The following LOXHD1 variants were observed in gnomAD, a reference collection of about 807,000 sequenced individuals.
LOXHD1 encodes the protein lipoxygenase homology PLAT domains 1, also known as lipoxygenase homology domain-containing protein 1.
Under a neutral mutation model 248.2 loss-of-function variants are expected in LOXHD1, and 205 were observed. The ratio of observed to expected loss-of-function variants is 0.83; its 90% CI spans 0.74 to 0.93. LOXHD1 has a LOEUF of 0.93. LOXHD1 is among the 40% of genes least tolerant of loss of function. The pLI, the probability that LOXHD1 is intolerant of heterozygous loss-of-function variation, is 0.00. For missense variants in LOXHD1, 2,930 were observed against 2,971.6 expected (o/e 0.99, Z 0.33); for synonymous variants, 1,113 against 1,162.8 (o/e 0.96, Z 0.87).
intron 12 of LOXHD1, among the ~76,000 whole-genome samples, chr18:46,589,570 T>G (rs1480764803): frequency 6.6e-6 from 1 of 152,208 alleles, no homozygotes; most frequent in African/African-American, 2.4e-5. Context: ...AAATGCATAT[T>G]ACCAGGAATA....
chr18:46,600,821 C>T (rs969997086), intron 8 of LOXHD1, among the ~76,000 whole-genome samples: 2 of 152,292 alleles, frequency 1.3e-5, no homozygotes, highest in East Asian at 1.9e-4. Flanking sequence ...TGCTTTTTAA[C>T]ATTCCTTATG....
chr18:46,535,140 G>A (rs2036252315), intron 26 of LOXHD1, among the ~76,000 whole-genome samples: 1 of 152,060 alleles, frequency 6.6e-6, no homozygotes, highest in African/African-American at 2.4e-5. Flanking sequence ...ACTTCTCATA[G>A]TTGTAAGTTT....
intron 34 of LOXHD1, among the ~76,000 whole-genome samples, chr18:46,514,988 A>T (rs1251900850): frequency 1.3e-5 from 2 of 152,220 alleles, no homozygotes; most frequent in Non-Finnish European, 2.9e-5. Flanking sequence ...TCTGAATGCC[A>T]TATTAATTCA....
At chr18:46,550,115 G>A (rs1313151798) in intron 21 of LOXHD1, among the ~76,000 whole-genome samples, 2 of 152,198 alleles carry the variant, frequency 1.3e-5, no homozygotes, top group Admixed American at 1.3e-4. Context: ...ACTTAACAAA[G>A]ATACCCTAAT....
At position 46,545,300 on chromosome 18, in the gene LOXHD1, C is replaced by T. The variant is rs1477239484; in HGVS notation, c.3619+17G>A. The T allele has an allele frequency of 6.5e-7, 1 of 1,529,730 alleles. No homozygotes were observed. Among genetic ancestry groups the T allele is most frequent in the East Asian group, 2.5e-5 (1 of 40,806 alleles). 94.8% of individuals were successfully genotyped at this position (1,529,730 alleles called of 1,614,324 possible). On this transcript the variant is annotated intron_variant, in intron 23 of 40. Transcript: ENST00000642948. ...GGAAGAATGTGGGTGAATCTTGGCC[C>T]TGCACTGCTTTCTTACCAGTGTCAT...
At chr18:46,573,680 T>C (rs1033108777) in intron 14 of LOXHD1, among the ~76,000 whole-genome samples, 5 of 151,856 alleles carry the variant, frequency 3.3e-5, no homozygotes, top group African/African-American at 9.7e-5. Context: ...AGACCACCCC[T>C]CTCCCCAAGG....
chr18:46,560,230 C>T lies in LOXHD1; in HGVS notation c.2914G>A (p.Glu972Lys), dbSNP rs367630521. Residue 972 changes from glutamate (E) to lysine (K), a missense_variant, in exon 19 of 41, where the codon GAA becomes AAA. Physicochemically the swap from Glu to Lys is moderately conservative, Grantham distance 56. Transcript: ENST00000642948. ...ESSSEEEEME[E>K]EEEEEEFGPG... is the part of the protein sequence containing the mutation. ...CCAAACTCCTCCTCTTCCTCCTCTTCTTCCATCTCCTCCTCCTCTGACGAG... is the reference window on the plus strand; with the variant it reads ...CCAAACTCCTCCTCTTCCTCCTCTTTTTCCATCTCCTCCTCCTCTGACGAG... The T allele has an allele frequency of 2.3e-4, 353 of 1,551,574 alleles. 2 individuals carry two copies. In the African/African-American group the frequency reaches 4.3e-3, roughly 19 times the overall value.
At chr18:46,538,798 G>A (rs2144329313) in intron 25 of LOXHD1, among the ~76,000 whole-genome samples, 1 of 152,296 alleles carries the variant, frequency 6.6e-6, no homozygotes, top group African/African-American at 2.4e-5. Flanking sequence ...GCAACTTGCT[G>A]ACTGGATCGG....
chr18:46,534,969 CT>C (rs1201467238), intron 26 of LOXHD1, among the ~76,000 whole-genome samples: 1 of 152,190 alleles, frequency 6.6e-6, no homozygotes, highest in Non-Finnish European at 1.5e-5. Flanking sequence ...CTTTGCTTGC[CT>C]CTCTGCCTTC....
chr18:46,600,925 C>T (rs913077129), intron 8 of LOXHD1, among the ~76,000 whole-genome samples: 3 of 152,068 alleles, frequency 2.0e-5, no homozygotes, highest in Admixed American at 6.5e-5. Context: ...GATTTATAAG[C>T]TGAGGTGAAA....
At chr18:46,560,037 T>G in intron 19 of LOXHD1, 46 bp downstream of exon 19, 1 of 1,455,560 alleles carries the variant, frequency 6.9e-7, no homozygotes, top group Non-Finnish European at 9.3e-7. Context: ...TTAGGGGAAC[T>G]GTCTGGCCAC....
chr18:46,593,463 G>T, intron 10 of LOXHD1, 137 bp downstream of exon 10: 1 of 892,700 alleles, frequency 1.1e-6, no homozygotes, highest in African/African-American at 1.7e-5. Flanking sequence ...TCCCTTTGCA[G>T]GGACCTAAAA....
intron 12 of LOXHD1, among the ~76,000 whole-genome samples, chr18:46,580,759 G>T (rs1368092003): frequency 6.6e-6 from 1 of 152,182 alleles, no homozygotes; most frequent in Non-Finnish European, 1.5e-5. Context: ...GTGGAGTGAG[G>T]GAATATAAAT....
chr18:46,614,833 T>C (rs1221475392), intron 5 of LOXHD1, among the ~76,000 whole-genome samples: 1 of 152,196 alleles, frequency 6.6e-6, no homozygotes, highest in Non-Finnish European at 1.5e-5. Flanking sequence ...TCAAAAATCA[T>C]AAAATAAACT....
intron 37 of LOXHD1, among the ~76,000 whole-genome samples, chr18:46,496,545 G>A (rs1401497921): frequency 6.6e-6 from 1 of 152,162 alleles, no homozygotes; most frequent in African/African-American, 2.4e-5. Context: ...TAAAAAGTGT[G>A]GCATAGAGAG....
At chr18:46,624,553 G>T (rs989422880) in intron 4 of LOXHD1, among the ~76,000 whole-genome samples, 2 of 152,154 alleles carry the variant, frequency 1.3e-5, no homozygotes, top group Non-Finnish European at 2.9e-5. Context: ...ACCCCCAAAA[G>T]GTTTCCTCTT....
chr18:46,500,857 C>T (rs976318969), intron 37 of LOXHD1, among the ~76,000 whole-genome samples: 1 of 152,126 alleles, frequency 6.6e-6, no homozygotes, highest in Non-Finnish European at 1.5e-5. Context: ...TAAGCGAACA[C>T]CACACTTCAT....
chr18:46,493,458 A>C (rs1232808445), intron 37 of LOXHD1, among the ~76,000 whole-genome samples: 1 of 152,232 alleles, frequency 6.6e-6, no homozygotes, highest in Non-Finnish European at 1.5e-5. Flanking sequence ...GCCTTTTGTA[A>C]CCTATCCACC....
rs78427072 is a variant in LOXHD1, at chr18:46,524,728, C to T, written c.4720G>A (p.Glu1574Lys). 670 of 1,551,744 alleles carry T rather than the reference C, an allele frequency of 4.3e-4. 2 individuals carry two copies. In the African/African-American group the frequency reaches 8.0e-3, roughly 19 times the overall value. Reference protein sequence around the residue: ...LSLKKEDGRLERLFYEKEYTG... With the variant: ...LSLKKEDGRLKRLFYEKEYTG... Reference sequence around the variant, plus strand: ...CTCACCTTCTCGTAAAAGAGCCTCTCGAGTCGCCCATCCTCCTTCTTCAGG... The same window carrying T: ...CTCACCTTCTCGTAAAAGAGCCTCTTGAGTCGCCCATCCTCCTTCTTCAGG... Residue 1574 changes from glutamate to lysine, a missense_variant, in exon 30 of 41, where the codon GAG (glutamate) becomes AAG (lysine). By Grantham distance (56) the Glu-to-Lys change is moderately conservative. Coordinates refer to ENST00000642948, the MANE Select transcript of LOXHD1 (RefSeq NM_001384474.1).
Sources: allele counts gnomAD v4.1 joint callset (sites outside exome capture counted in the v4.1 genomes callset), GRCh38; gene constraint gnomAD v4.1.1; transcripts MANE v1.5; gene names NCBI Gene and HGNC (gene_info 2026-07-23, HGNC 2026-07-21).